The following CENPP variants were observed in gnomAD, a reference collection of about 807,000 sequenced individuals.
CENPP encodes centromere protein P.
A neutral mutation model predicts 35.6 loss-of-function variants in CENPP; 24 were observed. The observed-to-expected ratio is 0.67, with a 90% CI of 0.49 to 0.95. The LOEUF (loss-of-function observed/expected upper bound fraction) is 0.95. Among genes scored for constraint, CENPP ranks in the 40% least tolerant of loss-of-function variants. CENPP has a pLI of 0.00. For missense variants in CENPP, 332 were observed against 345.3 expected, an observed-to-expected ratio of 0.96 and a Z score of 0.31; for synonymous variants, 120 against 125.5, an observed-to-expected ratio of 0.96 and a Z score of 0.29.
intron 5 of CENPP, among the ~76,000 whole-genome samples, chr9:92,423,462 A>G (rs1206473916): frequency 6.6e-6 from 1 of 152,196 alleles, no homozygotes; most frequent in Non-Finnish European, 1.5e-5. Context: ...TGTTAAAGAC[A>G]TAATTGTTTT....
chr9:92,606,676 C>T (rs1481199397), intron 5 of CENPP, among the ~76,000 whole-genome samples: 14 of 152,188 alleles, frequency 9.2e-5, no homozygotes, highest in East Asian at 1.9e-4. Flanking sequence ...GAGGCCAAGG[C>T]GGGCAGATCA....
At chr9:92,460,413 G>C in intron 5 of CENPP, 1 of 998,546 alleles carries the variant, frequency 1.0e-6, no homozygotes, top group South Asian at 1.4e-5. Flanking sequence ...ATCTCTACCA[G>C]GGTCCCTGTG....
At chr9:92,420,113 G>A (rs915271464) in intron 5 of CENPP, among the ~76,000 whole-genome samples, 3 of 152,016 alleles carry the variant, frequency 2.0e-5, no homozygotes, top group Admixed American at 6.6e-5. Flanking sequence ...CCATGCACCC[G>A]CATCCTGGGT....
chr9:92,509,558 C>T (rs1235240750), intron 5 of CENPP, among the ~76,000 whole-genome samples: 3 of 152,114 alleles, frequency 2.0e-5, no homozygotes, highest in South Asian at 2.1e-4. Context: ...ACAAAATTGT[C>T]GATCCATAAC....
chr9:92,358,796 T>G (rs966839681), intron 4 of CENPP, among the ~76,000 whole-genome samples: 20 of 152,094 alleles, frequency 1.3e-4, no homozygotes, highest in Non-Finnish European at 2.6e-4. Context: ...TTTTCTTAAC[T>G]TTCTCCAGAT....
chr9:92,599,852 T>C (rs1411644920), intron 5 of CENPP, among the ~76,000 whole-genome samples: 1 of 152,242 alleles, frequency 6.6e-6, no homozygotes, highest in African/African-American at 2.4e-5. Context: ...ACTTTCCCCC[T>C]AGGCTGTGGC....
chr9:92,561,757 A>G (rs939278471), intron 5 of CENPP, among the ~76,000 whole-genome samples: 1 of 152,182 alleles, frequency 6.6e-6, no homozygotes, highest in Non-Finnish European at 1.5e-5. Context: ...GTTCCTGCAT[A>G]CAGTATACCT....
chr9:92,498,304 A>G (rs1214268656), intron 5 of CENPP, among the ~76,000 whole-genome samples: 1 of 152,172 alleles, frequency 6.6e-6, no homozygotes, highest in Admixed American at 6.5e-5. Flanking sequence ...AAAGACAATC[A>G]TAGACGTTGG....
chr9:92,382,769 T>G (rs931257788), intron 5 of CENPP, among the ~76,000 whole-genome samples: 1 of 152,160 alleles, frequency 6.6e-6, no homozygotes, highest in African/African-American at 2.4e-5. Flanking sequence ...CGTTCTCCAC[T>G]GAATGGTCTT....
intron 5 of CENPP, chr9:92,474,829 GT>G: frequency 6.2e-7 from 1 of 1,613,922 alleles, no homozygotes; most frequent in Non-Finnish European, 8.5e-7. Context: ...TCAGTGCGAT[GT>G]GTGAAGGGCT....
At chr9:92,554,747 C>A (rs1005365251) in intron 5 of CENPP, among the ~76,000 whole-genome samples, 1 of 152,180 alleles carries the variant, frequency 6.6e-6, no homozygotes, top group Non-Finnish European at 1.5e-5. Context: ...AAGCAAGTTT[C>A]CTGCCTCAGC....
intron 5 of CENPP, among the ~76,000 whole-genome samples, chr9:92,450,666 G>A (rs1253131162): frequency 2.0e-5 from 3 of 152,202 alleles, no homozygotes; most frequent in African/African-American, 2.4e-5. Flanking sequence ...CTGGGGAATC[G>A]CCACACTGAC....
chr9:92,389,666 T>C lies in CENPP; in HGVS notation c.564+9807T>C, dbSNP rs1588084931. ...TAAAATAAAGGTTATGTATTTTAACTGAGATATGGGTATAAGCTAGGCTGA... is the reference window on the plus strand; with the variant it reads ...TAAAATAAAGGTTATGTATTTTAACCGAGATATGGGTATAAGCTAGGCTGA... On this transcript the variant is annotated intron_variant, in intron 5 of 7. Coordinates refer to ENST00000375587, the MANE Select transcript of CENPP (RefSeq NM_001012267.3). 8.6e-6 allele frequency: 4 copies of C among 462,912 alleles called. No homozygotes were observed. The East Asian group carries it at 1.3e-4, about 16-fold the overall frequency. The allele number at this position is 462,912 out of a possible 1,614,324, so 28.7% of individuals were successfully genotyped here. A position where few individuals can be genotyped will look rare whatever the true frequency, so the allele number is the denominator to read the frequency against.
intron 5 of CENPP, among the ~76,000 whole-genome samples, chr9:92,552,511 T>C (rs1367507014): frequency 6.6e-6 from 1 of 152,098 alleles, no homozygotes; most frequent in Non-Finnish European, 1.5e-5. Flanking sequence ...CATCTACTGT[T>C]TTTTGATTTT....
chr9:92,587,492 T>C (rs1850569447), intron 5 of CENPP, among the ~76,000 whole-genome samples: 2 of 151,878 alleles, frequency 1.3e-5, no homozygotes, highest in Admixed American at 6.6e-5. Context: ...GGGGGACCAA[T>C]CAAATTGTGG....
chr9:92,393,910 A>G (rs940729412), intron 5 of CENPP, among the ~76,000 whole-genome samples: 4 of 152,144 alleles, frequency 2.6e-5, no homozygotes, highest in Admixed American at 6.6e-5. Flanking sequence ...CCAAAAGCAC[A>G]TGATATCTGT....
chr9:92,557,875 C>T (rs1849761893), intron 5 of CENPP, among the ~76,000 whole-genome samples: 1 of 152,112 alleles, frequency 6.6e-6, no homozygotes, highest in Non-Finnish European at 1.5e-5. Flanking sequence ...GATCTCCTGA[C>T]CTTGTGATCC....
At chr9:92,503,518 AC>A (rs1399652442) in intron 5 of CENPP, among the ~76,000 whole-genome samples, 1 of 152,240 alleles carries the variant, frequency 6.6e-6, no homozygotes, top group Non-Finnish European at 1.5e-5. Context: ...TTAATTTACA[AC>A]CAAGGAGAAG....
intron 5 of CENPP, chr9:92,502,682 T>G: frequency 6.7e-7 from 1 of 1,500,544 alleles, no homozygotes; most frequent in Non-Finnish European, 9.1e-7. Context: ...CTATTATTTT[T>G]CTTTTGTGTT....
Sources: gnomAD v4.1 joint callset for allele counts (sites outside exome capture counted in the v4.1 genomes callset) on GRCh38, gnomAD v4.1.1 for gene constraint, MANE v1.5 for transcripts, NCBI Gene and HGNC (gene_info 2026-07-23, HGNC 2026-07-21) for gene names.